Variants in DIP2C observed in about 807,000 individuals in gnomAD.
DIP2C encodes the protein disco-interacting protein 2 homolog C.
DIP2C carries 33 observed loss-of-function variants against 192.4 expected under a neutral mutation model. That is an observed-to-expected ratio of 0.17 (90% confidence interval 0.13 to 0.23). The LOEUF (loss-of-function observed/expected upper bound fraction) is 0.23. DIP2C is among the 10% of genes least tolerant of loss of function. DIP2C has a pLI of 1.00. For missense variants in DIP2C, 1,537 were observed against 2,110.1 expected (o/e 0.73, Z 5.32); for synonymous variants, 979 against 864.1 (o/e 1.13, Z -2.33).
At chr10:394,356 A>G (rs1163849968) in intron 10 of DIP2C, among the ~76,000 whole-genome samples, 3 of 149,712 alleles carry the variant, frequency 2.0e-5, no homozygotes, top group African/African-American at 7.4e-5. Flanking sequence ...TATGGCACAC[A>G]GTGGGTGCTA....
intron 1 of DIP2C, among the ~76,000 whole-genome samples, chr10:579,191 G>A (rs894340865): frequency 2.0e-5 from 3 of 152,106 alleles, no homozygotes; most frequent in East Asian, 1.9e-4. Flanking sequence ...ACTATAACAT[G>A]TACATGCATA....
At chr10:313,967 T>C (rs1477169960) in intron 31 of DIP2C, among the ~76,000 whole-genome samples, 1 of 152,170 alleles carries the variant, frequency 6.6e-6, no homozygotes, top group Non-Finnish European at 1.5e-5. Flanking sequence ...AGGGCTATAG[T>C]AAATAGAAAT....
chr10:439,435 T>TA (rs1157106442), intron 4 of DIP2C, among the ~76,000 whole-genome samples: 5 of 148,004 alleles, frequency 3.4e-5, no homozygotes, highest in African/African-American at 1.3e-4. Context: ...AACAACAACA[T>TA]AGGAACACCC....
At chr10:663,226 A>G (rs1856872249) in intron 1 of DIP2C, 1 of 324,718 alleles carries the variant, frequency 3.1e-6, no homozygotes, top group Non-Finnish European at 5.6e-6. Flanking sequence ...AAGGATGCCA[A>G]CTAAATGAAT....
chr10:449,685 G>GA (rs1162327941), intron 3 of DIP2C, among the ~76,000 whole-genome samples: 1 of 149,914 alleles, frequency 6.7e-6, no homozygotes, highest in African/African-American at 2.5e-5. Context: ...AATGATAGAT[G>GA]ACACGTTGGT....
At chr10:655,058 G>A (rs755956580) in intron 1 of DIP2C, among the ~76,000 whole-genome samples, 1 of 152,112 alleles carries the variant, frequency 6.6e-6, no homozygotes, top group African/African-American at 2.4e-5. Context: ...TGCTCAGGGG[G>A]CTTGCCTAAA....
At chr10:662,126 C>A (rs1856797558) in intron 1 of DIP2C, 1 of 717,232 alleles carries the variant, frequency 1.4e-6, no homozygotes. Flanking sequence ...CAGGTAAGGA[C>A]TTCCACATTC....
intron 5 of DIP2C, among the ~76,000 whole-genome samples, chr10:420,689 A>G (rs1443200358): frequency 6.6e-6 from 1 of 152,228 alleles, no homozygotes; most frequent in Non-Finnish European, 1.5e-5. Flanking sequence ...TACATGTGAG[A>G]TGTCCCTACT....
chr10:628,537 C>A (rs1854324444), intron 1 of DIP2C: 1 of 152,268 alleles, frequency 6.6e-6, no homozygotes, highest in African/African-American at 2.4e-5. Flanking sequence ...TCCCTGGGAG[C>A]CTCGCTCTGA....
chr10:548,219 C>CCCA (rs1554897772), intron 1 of DIP2C, among the ~76,000 whole-genome samples: 2 of 130,624 alleles, frequency 1.5e-5, no homozygotes, highest in African/African-American at 2.7e-5. Context: ...CCCCCCCCCC[C>CCCA]ACAGGAAAGC....
At chr10:432,726 G>A (rs1465354051) in intron 4 of DIP2C, among the ~76,000 whole-genome samples, 2 of 151,874 alleles carry the variant, frequency 1.3e-5, no homozygotes, top group Non-Finnish European at 2.9e-5. Flanking sequence ...TCTTTTTCTA[G>A]TTTTCTAAGG....
intron 30 of DIP2C, 35 bp from the exon 31 acceptor site, chr10:327,211 C>T (rs373666940): frequency 1.3e-6 from 2 of 1,599,222 alleles, no homozygotes; most frequent in Middle Eastern, 1.7e-4. Context: ...AGTCAGCCCC[C>T]ACGTGTCGAG....
chr10:559,974 C>A (rs12572985), intron 1 of DIP2C, among the ~76,000 whole-genome samples: 27 of 142,908 alleles, frequency 1.9e-4, no homozygotes, highest in Middle Eastern at 3.5e-3. Flanking sequence ...CTCTCCCCCC[C>A]ACTCCTGTTC....
At chr10:308,777 G>A (rs56132962) in intron 32 of DIP2C, among the ~76,000 whole-genome samples, 1 of 152,110 alleles carries the variant, frequency 6.6e-6, no homozygotes, top group Non-Finnish European at 1.5e-5. Flanking sequence ...TGGTTCTGTC[G>A]ACCAGAGGGC....
intron 1 of DIP2C, among the ~76,000 whole-genome samples, chr10:681,628 C>T (rs1183442261): frequency 4.6e-5 from 7 of 151,644 alleles, no homozygotes; most frequent in Non-Finnish European, 7.4e-5. Flanking sequence ...TCTATGGCCA[C>T]GGAAATTCCA....
intron 1 of DIP2C, among the ~76,000 whole-genome samples, chr10:595,608 T>C (rs1229940335): frequency 6.6e-6 from 1 of 152,080 alleles, no homozygotes; most frequent in African/African-American, 2.4e-5. Context: ...GGACACAAAC[T>C]TTTAAAAAGC....
chr10:671,324 C>G (rs1010722050), intron 1 of DIP2C, among the ~76,000 whole-genome samples: 1 of 152,094 alleles, frequency 6.6e-6, no homozygotes, highest in Non-Finnish European at 1.5e-5. Context: ...GAGGAAACGC[C>G]ACAGACGCAC....
chr10:329,626 G>GGGCGGGAGCTCAGCAA lies in DIP2C; in HGVS notation c.3585-41_3585-26dup, dbSNP rs528613355. The GGGCGGGAGCTCAGCAA allele has an allele frequency of 2.7e-5, 43 of 1,609,514 alleles. No homozygotes were observed. The African/African-American group carries it at 3.9e-4, about 15-fold the overall frequency. On this transcript the variant is annotated intron_variant, in intron 29 of 36. Coordinates refer to ENST00000280886, the MANE Select transcript of DIP2C (RefSeq NM_014974.3). ...ACTGCAGAGAAAGAAGAGGCTGTCA[G>GGGCGGGAGCTCAGCAA]GGCGGGAGCTCAGCAAGGCTGGAGC...
intron 1 of DIP2C, among the ~76,000 whole-genome samples, chr10:600,068 C>G (rs1332638764): frequency 1.3e-5 from 2 of 152,156 alleles, no homozygotes; most frequent in Non-Finnish European, 2.9e-5. Context: ...CAGCTCCAGG[C>G]AGAGGGGAAA....
Sources: gnomAD v4.1 joint callset for allele counts (sites outside exome capture counted in the v4.1 genomes callset) on GRCh38, gnomAD v4.1.1 for gene constraint, MANE v1.5 for transcripts, NCBI Gene and HGNC (gene_info 2026-07-23, HGNC 2026-07-21) for gene names.